Variants in PRKDC observed in about 807,000 individuals in gnomAD.
The protein encoded by PRKDC is DNA-dependent protein kinase catalytic subunit.
Under a neutral mutation model 486.9 loss-of-function variants are expected in PRKDC, and 82 were observed. The ratio of observed to expected loss-of-function variants is 0.17; its 90% confidence interval spans 0.14 to 0.20. The LOEUF is 0.20. PRKDC is among the 10% of genes least tolerant of loss of function. PRKDC has a pLI of 1.00. For missense variants in PRKDC, 4,504 were observed against 5,038.2 expected (o/e 0.89, Z 3.21); for synonymous variants, 1,895 against 1,837.0 (o/e 1.03, Z -0.81).
At chr8:47,952,868 G>C (rs1400939381) in intron 7 of PRKDC, among the ~76,000 whole-genome samples, 1 of 150,362 alleles carries the variant, frequency 6.7e-6, no homozygotes. Context: ...GGCCGGGTGC[G>C]GTGGCTCATG....
chr8:47,897,010 A>G (rs2089593807), intron 30 of PRKDC, 151 bp downstream of exon 30: 1 of 824,384 alleles, frequency 1.2e-6, no homozygotes, highest in Non-Finnish European at 1.8e-6. Flanking sequence ...CTGAAACAGA[A>G]CTGCATTACC....
At chr8:47,865,631 G>A (rs2088791329) in intron 40 of PRKDC, among the ~76,000 whole-genome samples, 1 of 152,074 alleles carries the variant, frequency 6.6e-6, no homozygotes, top group Admixed American at 6.6e-5. Context: ...TTAAAATTCT[G>A]ATGCTATGAA....
intron 78 of PRKDC, chr8:47,783,041 G>A (rs1365217511): frequency 5.6e-6 from 1 of 179,432 alleles, no homozygotes; most frequent in Non-Finnish European, 1.2e-5. Flanking sequence ...ACTTTGGAAG[G>A]ATGGGGCAGG....
intron 10 of PRKDC, among the ~76,000 whole-genome samples, chr8:47,941,770 T>G (rs2090448950): frequency 6.6e-6 from 1 of 152,254 alleles, no homozygotes; most frequent in South Asian, 2.1e-4. Flanking sequence ...AGGATAGTTC[T>G]CTTGAACTTC....
chr8:47,794,389 T>A lies in PRKDC; in HGVS notation c.10571A>T (p.Asn3524Ile). ...GGGATAAACAATAGCCTGCGGGTAG[T>A]TATCAGTGATTTCTTCCACAGAGTG... is the stretch of plus-strand genomic sequence containing the variant. The part of the protein sequence containing the change: ...VQHSVEEITD[N>I]YPQAIVYPFI... Residue 3524 changes from asparagine to isoleucine, a missense_variant, in exon 74 of 86, where the codon AAC (asparagine) becomes ATC (isoleucine). By Grantham distance (149) the Asn-to-Ile change is moderately radical. This residue lies in a region of PRKDC where 706 missense variants were observed against 945.0 expected (regional missense o/e 0.75). Transcript: ENST00000314191. The A allele has an allele frequency of 6.2e-7, 1 of 1,613,888 alleles. No individual in the cohort carries two copies. Among genetic ancestry groups the A allele is most frequent in the Non-Finnish European group, 8.5e-7 (1 of 1,179,782 alleles).
At chr8:47,936,781 TA>T (rs1326752077) in intron 11 of PRKDC, among the ~76,000 whole-genome samples, 2 of 147,488 alleles carry the variant, frequency 1.4e-5, no homozygotes, top group African/African-American at 5.0e-5. Flanking sequence ...CACGCCTGGC[TA>T]TTTTTTTTTT....
At chr8:47,825,915 G>T (rs2087729213) in intron 63 of PRKDC, among the ~76,000 whole-genome samples, 1 of 152,164 alleles carries the variant, frequency 6.6e-6, no homozygotes. Context: ...AGTTTTGTGA[G>T]TCTGTGATCA....
intron 54 of PRKDC, 109 bp from the exon 55 acceptor site, chr8:47,840,298 T>TA (rs1182023651): frequency 1.4e-5 from 11 of 790,040 alleles, no homozygotes; most frequent in Admixed American, 1.1e-4. Context: ...TTATAATAGA[T>TA]AACGCTACAC....
chr8:47,872,763 G>A (rs926853541), intron 40 of PRKDC, among the ~76,000 whole-genome samples: 5 of 152,180 alleles, frequency 3.3e-5, no homozygotes, highest in South Asian at 2.1e-4. Context: ...TATATGCACC[G>A]GTCACTGCAG....
intron 21 of PRKDC, 55 bp from the exon 22 acceptor site, chr8:47,918,438 G>A (rs753943813): frequency 1.4e-4 from 140 of 1,004,658 alleles, no homozygotes; most frequent in Non-Finnish European, 2.0e-4. Context: ...TTCATTTAAT[G>A]TACATTAGAG....
At chr8:47,874,442 G>A (rs945511388) in intron 40 of PRKDC, among the ~76,000 whole-genome samples, 2 of 152,024 alleles carry the variant, frequency 1.3e-5, no homozygotes, top group African/African-American at 2.4e-5. Flanking sequence ...ATGCACCTAT[G>A]TACCAACAAA....
Position 47,844,004 on chromosome 8 carries a change from C to A in PRKDC, c.7281-3815G>T, listed in dbSNP as rs536838195. 3.3e-5 allele frequency among the ~76,000 whole-genome samples: 5 copies of A among 152,300 alleles called. No homozygotes were observed. In the South Asian group the frequency reaches 1.0e-3, roughly 32 times the overall value. On this transcript the variant is annotated intron_variant, in intron 54 of 85. Transcript: ENST00000314191. ...TACACAGTTAAGTCTACAAAACAAC[C>A]AGGTAACAACACGACAACAGGATCA... is the stretch of plus-strand genomic sequence containing the variant.
intron 15 of PRKDC, among the ~76,000 whole-genome samples, chr8:47,933,508 T>A (rs1429454910): frequency 6.6e-6 from 1 of 152,242 alleles, no homozygotes; most frequent in African/African-American, 2.4e-5. Flanking sequence ...CAAATATGTG[T>A]AATATGCATA....
chr8:47,855,264 G>A lies in PRKDC; in HGVS notation c.6719C>T (p.Thr2240Ile), dbSNP rs553710105. Reference sequence around the variant, plus strand: ...ACAATCCTTCCAGCACTCGACAAGGGTCTTTATAATTTCAAGGTTGTGTCT... The same window carrying A: ...ACAATCCTTCCAGCACTCGACAAGGATCTTTATAATTTCAAGGTTGTGTCT... ...VFRHNLEIIK[T>I]LVECWKDCLS... The change falls in exon 50 of 86, where the codon ACC becomes ATC. Residue 2240 changes from threonine (T) to isoleucine (I), a missense_variant. Thr to Ile is a moderately conservative substitution (Grantham distance 89, BLOSUM62 -1). Coordinates refer to ENST00000314191, the MANE Select transcript of PRKDC (RefSeq NM_006904.7). The A allele has an allele frequency of 2.5e-6, 4 of 1,604,864 alleles. No homozygotes were observed. Among genetic ancestry groups the A allele is most frequent in the East Asian group, 2.2e-5 (1 of 44,764 alleles).
At chr8:47,910,613 TC>T (rs1343994444) in intron 25 of PRKDC, among the ~76,000 whole-genome samples, 1 of 152,226 alleles carries the variant, frequency 6.6e-6, no homozygotes, top group Non-Finnish European at 1.5e-5. Flanking sequence ...TCAAAATGTG[TC>T]TTGCTTATTA....
At chr8:47,895,588 G>C (rs1268730565) in intron 30 of PRKDC, among the ~76,000 whole-genome samples, 1 of 152,168 alleles carries the variant, frequency 6.6e-6, no homozygotes, top group Admixed American at 6.5e-5. Context: ...CATGCTATCA[G>C]GGTCTCGGTT....
chr8:47,887,704 G>A lies in PRKDC; in HGVS notation c.4415C>T (p.Ser1472Phe). 6 of 1,602,744 alleles carry A rather than the reference G, an allele frequency of 3.7e-6. No homozygotes were observed. The highest frequency in any genetic ancestry group is 5.1e-6 in the Non-Finnish European group (6 of 1,175,412). The change falls in exon 35 of 86, where the codon TCC (serine) becomes TTC (phenylalanine). Residue 1472 changes from serine to phenylalanine, a missense_variant and splice_region_variant. Around this residue, in one of 6 missense-constraint regions of PRKDC, gnomAD observed 1,969 missense variants for 2,068.9 expected, o/e 0.95. Coordinates refer to ENST00000314191, the MANE Select transcript of PRKDC (RefSeq NM_006904.7). ...GLLHNILPSQ[S>F]TDLHHSVGTE... ...GCCAACAGAATGATGCAAATCTGTG[G>A]ACTAAAAGGAAGCCAACACTGAAAT...
At chr8:47,879,011 T>A (rs968695286) in intron 39 of PRKDC, among the ~76,000 whole-genome samples, 1 of 152,250 alleles carries the variant, frequency 6.6e-6, no homozygotes, top group African/African-American at 2.4e-5. Context: ...TTAGGGATAA[T>A]CACGAAATGC....
intron 40 of PRKDC, among the ~76,000 whole-genome samples, chr8:47,870,313 G>A (rs148692352): frequency 8.1e-4 from 124 of 152,252 alleles, no homozygotes; most frequent in Middle Eastern, 3.4e-3. Flanking sequence ...TCATATTACC[G>A]TTCCCCCAGC....
Sources: gnomAD v4.1 joint callset for allele counts (sites outside exome capture counted in the v4.1 genomes callset) on GRCh38, gnomAD v4.1.1 for gene constraint, gnomAD v4.1.1 regional missense constraint, MANE v1.5 for transcripts, NCBI Gene and HGNC (gene_info 2026-07-23, HGNC 2026-07-21) for gene names.